The following ELOVL7 variants were observed in gnomAD, a reference collection of about 807,000 sequenced individuals.
ELOVL7 encodes the protein ELOVL fatty acid elongase 7.
Under a neutral mutation model 35.7 loss-of-function variants are expected in ELOVL7, and 27 were observed. The observed-to-expected ratio is 0.76, with a 90% CI of 0.56 to 1.04. The LOEUF is 1.04. Ranked by LOEUF, ELOVL7 falls within the 50% of genes least tolerant of loss-of-function variation. The pLI, the probability that ELOVL7 is intolerant of heterozygous loss-of-function variation, is 0.00. For missense variants in ELOVL7, 327 were observed against 340.8 expected (o/e 0.96, Z 0.32); for synonymous variants, 113 against 114.6 (o/e 0.99, Z 0.09).
Position 60,802,061 on chromosome 5 carries a change from CATATATATATATATATATATATATAT to C in ELOVL7, c.-85-2857_-85-2832del, listed in dbSNP as rs59849955. ...GAGCCAATTCTCCCTAATAAACTCT[CATATATATATATATATATATATATAT>C]ATATATATATATATATATATATATA... On this transcript the variant is annotated intron_variant, in intron 1 of 8. Coordinates refer to ENST00000508821, the MANE Select transcript of ELOVL7 (RefSeq NM_024930.3). Among the ~76,000 whole-genome samples, 23 of 77,372 alleles carry C rather than the reference CATATATATATATATATATATATATAT, an allele frequency of 3.0e-4. 1 individual carries two copies. The highest frequency in any genetic ancestry group is 6.8e-4 in the Admixed American group (4 of 5,848). 50.8% of individuals were successfully genotyped at this position (77,372 alleles called of 152,430 possible).
intron 3 of ELOVL7, among the ~76,000 whole-genome samples, chr5:60,783,680 G>C (rs1743395433): frequency 6.6e-6 from 1 of 152,116 alleles, no homozygotes; most frequent in African/African-American, 2.4e-5. Context: ...TGAGAGTTCA[G>C]GTAGCAAGGC....
intron 4 of ELOVL7, among the ~76,000 whole-genome samples, chr5:60,768,370 T>C (rs1489300527): frequency 6.6e-6 from 1 of 152,194 alleles, no homozygotes; most frequent in Non-Finnish European, 1.5e-5. Context: ...AATGCCTCAA[T>C]GTACTCATAA....
intron 3 of ELOVL7, among the ~76,000 whole-genome samples, chr5:60,778,656 A>G (rs370326759): frequency 6.6e-6 from 1 of 152,202 alleles, no homozygotes; most frequent in South Asian, 2.1e-4. Flanking sequence ...TGGGGATTAT[A>G]GGAACTATAA....
chr5:60,783,076 C>T (rs959009619), intron 3 of ELOVL7, among the ~76,000 whole-genome samples: 1 of 152,166 alleles, frequency 6.6e-6, no homozygotes, highest in Admixed American at 6.5e-5. Context: ...CAGCAGCCAA[C>T]AATTTGTTAA....
intron 1 of ELOVL7, among the ~76,000 whole-genome samples, chr5:60,829,052 A>C (rs1254850423): frequency 6.6e-6 from 1 of 152,174 alleles, no homozygotes; most frequent in Non-Finnish European, 1.5e-5. Context: ...TGAGTATATC[A>C]GTTCATTACA....
chr5:60,813,751 G>A (rs1745367074), intron 1 of ELOVL7, among the ~76,000 whole-genome samples: 1 of 152,086 alleles, frequency 6.6e-6, no homozygotes. Context: ...AAGAGGGGAA[G>A]CAGGAGATAA....
At chr5:60,824,086 C>T (rs767044110) in intron 1 of ELOVL7, among the ~76,000 whole-genome samples, 61 of 152,052 alleles carry the variant, frequency 4.0e-4, no homozygotes, top group Non-Finnish European at 7.8e-4. Context: ...ATAAAAAATT[C>T]AGACACTACC....
At chr5:60,763,321 G>C (rs1034761538) in intron 7 of ELOVL7, among the ~76,000 whole-genome samples, 5 of 152,144 alleles carry the variant, frequency 3.3e-5, no homozygotes, top group Non-Finnish European at 7.3e-5. Context: ...CCCATGCTCT[G>C]AGACATGTAG....
At chr5:60,830,609 CT>C (rs55973952) in intron 1 of ELOVL7, among the ~76,000 whole-genome samples, 5,977 of 127,288 alleles carry the variant, frequency 0.047, 193 homozygotes, top group East Asian at 0.18. Flanking sequence ...TTCTTTCTTT[CT>C]TTTTTTTTTT....
intron 1 of ELOVL7, among the ~76,000 whole-genome samples, chr5:60,799,662 C>T (rs1232484924): frequency 6.6e-6 from 1 of 152,130 alleles, no homozygotes; most frequent in African/African-American, 2.4e-5. Flanking sequence ...GTAAGGAGAT[C>T]AAGTCAGTAA....
rs35647484 is a variant in ELOVL7, at chr5:60,842,496, T to TAAA, written c.-86+1661_-86+1663dup. Among the ~76,000 whole-genome samples, 198 of 140,010 alleles carry TAAA rather than the reference T, an allele frequency of 1.4e-3. 2 individuals are homozygous for TAAA. The highest frequency in any genetic ancestry group is 3.2e-3 in the Admixed American group (45 of 14,028). The allele number at this position is 140,010 out of a possible 152,430, so 91.9% of individuals were successfully genotyped here. On this transcript the variant is annotated intron_variant, in intron 1 of 8. Transcript: ENST00000508821. ...CAAAGTCCCAAAAATCTATTTTTCT[T>TAAA]AAAAAAAAAAAAAGCGGGGGCAGGG...
chr5:60,772,554 T>C (rs547177864), intron 3 of ELOVL7, among the ~76,000 whole-genome samples: 1 of 152,318 alleles, frequency 6.6e-6, no homozygotes, highest in African/African-American at 2.4e-5. Context: ...CTGAGTATGC[T>C]AAGACAAGTT....
At chr5:60,784,433 ACT>A (rs1437063352) in intron 3 of ELOVL7, among the ~76,000 whole-genome samples, 2 of 152,146 alleles carry the variant, frequency 1.3e-5, no homozygotes, top group Non-Finnish European at 2.9e-5. Flanking sequence ...ATTATTTCAA[ACT>A]CTCACATTTC....
intron 7 of ELOVL7, among the ~76,000 whole-genome samples, chr5:60,763,678 T>G (rs1366267786): frequency 6.6e-6 from 1 of 152,168 alleles, no homozygotes; most frequent in South Asian, 2.1e-4. Flanking sequence ...TTTAAACTAT[T>G]TTGGACCTTA....
chr5:60,777,036 A>C (rs1310709850), intron 3 of ELOVL7, among the ~76,000 whole-genome samples: 6 of 151,966 alleles, frequency 3.9e-5, no homozygotes, highest in East Asian at 1.9e-4. Flanking sequence ...TGTGGGATGT[A>C]AGAATCAAAA....
intron 3 of ELOVL7, among the ~76,000 whole-genome samples, chr5:60,782,028 G>C (rs897127936): frequency 6.6e-6 from 1 of 152,058 alleles, no homozygotes; most frequent in South Asian, 2.1e-4. Context: ...AAACAACCTT[G>C]GTCCAATTGA....
rs999624977 is a variant in ELOVL7, at chr5:60,783,859, TC to T, written c.64+3474del. On this transcript the variant is annotated intron_variant, in intron 3 of 8. Transcript: ENST00000508821. ...GGGTTAGGCATGAGGTGCTCTGTCT[TC>T]CCCAGAAACAAAAGGCTAATGGGGT... Among the ~76,000 whole-genome samples, 70 of 152,150 alleles carry T rather than the reference TC, an allele frequency of 4.6e-4. 1 individual carries two copies. Among genetic ancestry groups the T allele is most frequent in the Non-Finnish European group, 1.3e-4 (9 of 68,012 alleles).
intron 1 of ELOVL7, among the ~76,000 whole-genome samples, chr5:60,821,509 T>G (rs1365855397): frequency 6.6e-6 from 1 of 152,234 alleles, no homozygotes; most frequent in Non-Finnish European, 1.5e-5. Flanking sequence ...TAAAAATCCT[T>G]GTTCGGCTGG....
At chr5:60,826,530 A>G (rs1746181661) in intron 1 of ELOVL7, among the ~76,000 whole-genome samples, 1 of 152,178 alleles carries the variant, frequency 6.6e-6, no homozygotes, top group Admixed American at 6.5e-5. Context: ...CTGCACTAAA[A>G]GTTCCAAATT....
Sources: gnomAD v4.1 joint callset for allele counts (sites outside exome capture counted in the v4.1 genomes callset) on GRCh38, gnomAD v4.1.1 for gene constraint, MANE v1.5 for transcripts, NCBI Gene and HGNC (gene_info 2026-07-23, HGNC 2026-07-21) for gene names.